The following DPP6 variants were observed in gnomAD, a reference collection of about 807,000 sequenced individuals.
DPP6 encodes dipeptidyl peptidase like 6.
DPP6 carries 69 observed loss-of-function variants against 122.6 expected under a neutral mutation model. That is an observed-to-expected ratio of 0.56 (90% CI 0.46 to 0.69). DPP6 has a LOEUF of 0.69. Ranked by LOEUF, DPP6 falls within the 30% of genes least tolerant of loss-of-function variation. The pLI is 0.00. For missense variants in DPP6, 928 were observed against 1,116.9 expected, an observed-to-expected ratio of 0.83 and a Z score of 2.41; for synonymous variants, 418 against 433.1, an observed-to-expected ratio of 0.97 and a Z score of 0.43.
chr7:154,553,902 C>CAAAAAA (rs56020996), intron 4 of DPP6, among the ~76,000 whole-genome samples: 1 of 103,146 alleles, frequency 9.7e-6, no homozygotes. Context: ...AGCCTAATGC[C>CAAAAAA]AAAAAAAAAA....
chr7:154,750,143 T>G (rs1018152978), intron 8 of DPP6, among the ~76,000 whole-genome samples: 3 of 152,194 alleles, frequency 2.0e-5, no homozygotes, highest in African/African-American at 7.2e-5. Flanking sequence ...TGATGCTGGG[T>G]CATGGTCAAA....
chr7:153,788,981 AG>A, the DPP6 span, among the ~76,000 whole-genome samples: 6 of 147,192 alleles, frequency 4.1e-5, no homozygotes, highest in Non-Finnish European at 1.5e-5. Context: ...AAAAAAAAAA[AG>A]TATTCCTGTT....
intron 10 of DPP6, among the ~76,000 whole-genome samples, chr7:154,774,292 T>C (rs573461372): frequency 1.3e-5 from 2 of 152,168 alleles, no homozygotes; most frequent in Non-Finnish European, 2.9e-5. Context: ...AAAAAAAAGT[T>C]CAGATGATTG....
At position 154,463,195 on chromosome 7, in the gene DPP6, CTTTTTTT is replaced by C. The variant is rs368362408; in HGVS notation, c.359-11720_359-11714del. On this transcript the variant is annotated intron_variant, in intron 2 of 25. Transcript: ENST00000377770. ...GCTTTTTACCTTTACTTCTCCTTTT[CTTTTTTT>C]TTTTTTTTTTTTTTTTTTTTTTTGA... 2.4e-3 allele frequency among the ~76,000 whole-genome samples: 198 copies of C among 84,098 alleles called. 3 individuals are homozygous for C. The highest frequency in any genetic ancestry group is 8.8e-3 in the African/African-American group (180 of 20,518). The allele number at this position is 84,098 out of a possible 152,430, so 55.2% of individuals were successfully genotyped here.
intron 1 of DPP6, among the ~76,000 whole-genome samples, chr7:154,235,358 C>G (rs1801143955): frequency 6.6e-6 from 1 of 152,198 alleles, no homozygotes; most frequent in Non-Finnish European, 1.5e-5. Context: ...TGCTTCATGC[C>G]TTTCTATTGT....
intron 1 of DPP6, among the ~76,000 whole-genome samples, chr7:154,374,282 A>C (rs1262872422): frequency 6.6e-6 from 1 of 152,216 alleles, no homozygotes; most frequent in Non-Finnish European, 1.5e-5. Flanking sequence ...TTGTGGATCA[A>C]ATGAGCTAAG....
intron 1 of DPP6, among the ~76,000 whole-genome samples, chr7:154,440,160 A>G (rs1819245318): frequency 6.6e-6 from 1 of 152,142 alleles, no homozygotes; most frequent in Non-Finnish European, 1.5e-5. Context: ...AAATAAACGG[A>G]GGTGTTGGGG....
At chr7:154,716,645 T>C (rs540581227) in intron 7 of DPP6, among the ~76,000 whole-genome samples, 2 of 152,116 alleles carry the variant, frequency 1.3e-5, no homozygotes, top group Admixed American at 6.6e-5. Context: ...GGTAAACAGA[T>C]GCATGGGTTA....
rs111689068 is a variant in DPP6, at chr7:154,433,464, C to T, written c.244-12750C>T. ...GATTACAGGCATGAGCCCCCTCGCC[C>T]GGCCTCATACTTCATTGTTTATAAG... On this transcript the variant is annotated intron_variant, in intron 1 of 25. Coordinates refer to ENST00000377770, the MANE Select transcript of DPP6 (RefSeq NM_130797.4). Among the ~76,000 whole-genome samples, 1,202 of 152,078 alleles carry T rather than the reference C, an allele frequency of 7.9e-3. 11 individuals are homozygous for T. Among genetic ancestry groups the T allele is most frequent in the African/African-American group, 0.027 (1,107 of 41,448 alleles).
intron 10 of DPP6, among the ~76,000 whole-genome samples, chr7:154,784,941 T>C (rs1332986405): frequency 6.6e-6 from 1 of 152,090 alleles, no homozygotes; most frequent in Non-Finnish European, 1.5e-5. Context: ...TTAAACTTAT[T>C]TCTTGAGGAG....
rs1248956112 is a variant in DPP6, at chr7:154,468,896, G to A, written c.359-6043G>A. On this transcript the variant is annotated intron_variant, in intron 2 of 25. Transcript: ENST00000377770. ...TAGTATCTCTGTGAGACTTTTTATA[G>A]ACATAAGTCTGGAGTATAACCATAA... 2.0e-5 allele frequency among the ~76,000 whole-genome samples: 3 copies of A among 152,100 alleles called. No homozygotes were observed. In the East Asian group the frequency reaches 5.8e-4, roughly 29 times the overall value.
At chr7:154,888,627 G>C (rs1206320881) in intron 23 of DPP6, among the ~76,000 whole-genome samples, 1 of 152,218 alleles carries the variant, frequency 6.6e-6, no homozygotes. Context: ...GCCCTCTAAG[G>C]CTACCTGGAG....
At chr7:153,778,394 A>C in the DPP6 span, among the ~76,000 whole-genome samples, 2 of 152,148 alleles carry the variant, frequency 1.3e-5, no homozygotes, top group Non-Finnish European at 2.9e-5. Flanking sequence ...GTTGTTATGC[A>C]TACACATATT....
chr7:154,734,801 C>A (rs1278759823), intron 8 of DPP6, among the ~76,000 whole-genome samples: 1 of 152,196 alleles, frequency 6.6e-6, no homozygotes, highest in Non-Finnish European at 1.5e-5. Context: ...GAATATTTGA[C>A]CTCTTTGTGT....
intron 10 of DPP6, among the ~76,000 whole-genome samples, chr7:154,783,938 C>G (rs1296625197): frequency 6.6e-6 from 1 of 152,162 alleles, no homozygotes; most frequent in Non-Finnish European, 1.5e-5. Flanking sequence ...GCTATCTCTT[C>G]AAGCCTCCAA....
At chr7:154,874,321 G>C (rs566010084) in intron 19 of DPP6, among the ~76,000 whole-genome samples, 2 of 152,208 alleles carry the variant, frequency 1.3e-5, no homozygotes, top group Non-Finnish European at 2.9e-5. Context: ...CTTCCCTTCA[G>C]AGGTAAAAGT....
At chr7:154,293,809 T>C (rs1805360640) in intron 1 of DPP6, among the ~76,000 whole-genome samples, 1 of 152,174 alleles carries the variant, frequency 6.6e-6, no homozygotes, top group African/African-American at 2.4e-5. Flanking sequence ...GTGTATCACA[T>C]GGAGATGCTC....
At chr7:153,928,396 A>T (rs1435881860) in intron 1 of DPP6, among the ~76,000 whole-genome samples, 1,582 of 43,614 alleles carry the variant, frequency 0.036, 35 homozygotes, top group Middle Eastern at 0.065. Context: ...CTTTTCTTTC[A>T]TTTTTTTTTT....
chr7:154,866,945 C>A (rs1403932364), intron 17 of DPP6, among the ~76,000 whole-genome samples: 1 of 151,190 alleles, frequency 6.6e-6, no homozygotes, highest in Non-Finnish European at 1.5e-5. Context: ...GTCATTTGAC[C>A]TCCAGCTGCC....
Sources: gnomAD v4.1 joint callset for allele counts (sites outside exome capture counted in the v4.1 genomes callset) on GRCh38, gnomAD v4.1.1 for gene constraint, MANE v1.5 for transcripts, NCBI Gene and HGNC (gene_info 2026-07-23, HGNC 2026-07-21) for gene names.